The following SATB2 variants were observed in gnomAD, a reference collection of about 807,000 sequenced individuals.
The protein encoded by SATB2 is DNA-binding protein SATB2.
A neutral mutation model predicts 73.4 loss-of-function variants in SATB2; 1 was observed. That is an observed-to-expected ratio of 0.01 (90% confidence interval 0.00 to 0.06). The LOEUF is 0.06. Ranked by LOEUF, SATB2 falls within the 10% of genes least tolerant of loss-of-function variation. The pLI is 1.00. For missense variants in SATB2, 459 were observed against 945.8 expected, an observed-to-expected ratio of 0.49 and a Z score of 6.75; for synonymous variants, 397 against 367.0, an observed-to-expected ratio of 1.08 and a Z score of -0.93.
At chr2:199,368,824 C>T (rs543871496) in intron 5 of SATB2, 117 bp from the exon 6 acceptor site, 2 of 644,860 alleles carry the variant, frequency 3.1e-6, no homozygotes, top group African/African-American at 1.8e-5. Context: ...AAAACAGTCA[C>T]TCTCCTGTAA....
intron 3 of SATB2, among the ~76,000 whole-genome samples, chr2:199,401,378 T>C (rs903543298): frequency 6.6e-6 from 1 of 151,448 alleles, no homozygotes; most frequent in Non-Finnish European, 1.5e-5. Context: ...AAACCCAGTG[T>C]CTACTAAAAT....
chr2:199,380,783 G>A (rs1339800724), intron 4 of SATB2, among the ~76,000 whole-genome samples: 1 of 152,154 alleles, frequency 6.6e-6, no homozygotes, highest in East Asian at 1.9e-4. Context: ...AAATGGCATG[G>A]CAGTGTGGTT....
intron 7 of SATB2, 48 bp downstream of exon 7, chr2:199,348,653 T>C (rs778360965): frequency 7.3e-7 from 1 of 1,365,706 alleles, no homozygotes; most frequent in Non-Finnish European, 1.0e-6. Flanking sequence ...CTATCTCAAT[T>C]CTGTCCCCAG....
intron 3 of SATB2, among the ~76,000 whole-genome samples, chr2:199,382,799 A>G (rs1167256421): frequency 6.6e-6 from 1 of 152,218 alleles, no homozygotes; most frequent in Non-Finnish European, 1.5e-5. Flanking sequence ...AGAAATTGCC[A>G]CACATAAAAA....
Position 199,348,400 on chromosome 2 carries a change from C to G in SATB2, c.1173+301G>C, listed in dbSNP as rs10153573. The G allele has an allele frequency of 1, 294,241 of 294,550 alleles. 146,967 individuals are homozygous for G. Among genetic ancestry groups the G allele is most frequent in the Middle Eastern group, 1 (938 of 938 alleles). The allele number at this position is 294,550 out of a possible 1,614,324, so 18.2% of individuals were successfully genotyped here. On this transcript the variant is annotated intron_variant, in intron 7 of 10. Coordinates refer to ENST00000417098, the MANE Select transcript of SATB2 (RefSeq NM_001172509.2). Reference sequence around the variant, plus strand: ...AAATTCAAGATCAGGGTTACATCTGCAAACAGTAAATGGAGAGGATGAGAG... The same window carrying G: ...AAATTCAAGATCAGGGTTACATCTGGAAACAGTAAATGGAGAGGATGAGAG...
chr2:199,287,799 T>G (rs1692732530), intron 10 of SATB2, among the ~76,000 whole-genome samples: 1 of 152,168 alleles, frequency 6.6e-6, no homozygotes, highest in Non-Finnish European at 1.5e-5. Flanking sequence ...TTAAAAAGAA[T>G]GAAATAATCT....
At chr2:199,395,769 C>A (rs1690281754) in intron 3 of SATB2, 2 of 152,122 alleles carry the variant, frequency 1.3e-5, no homozygotes, top group African/African-American at 4.8e-5. Context: ...TATCAAATTA[C>A]TTGAAGACAC....
In SATB2 at chr2:199,435,864, C is replaced by T. The variant is rs547324152; in HGVS notation, c.170-2350G>A. ...AGAGTCCCTACCAGCAAGGAATAGC[C>T]CCCATTTAGAGCTTTTAACTCTTAC... On this transcript the variant is annotated intron_variant, in intron 2 of 10. Coordinates refer to ENST00000417098, the MANE Select transcript of SATB2 (RefSeq NM_001172509.2). Among the ~76,000 whole-genome samples, 22 of 152,252 alleles carry T rather than the reference C, an allele frequency of 1.4e-4. 1 individual carries two copies. The South Asian group carries it at 3.7e-3, about 26-fold the overall frequency.
intron 3 of SATB2, among the ~76,000 whole-genome samples, chr2:199,391,033 C>T (rs1460593344): frequency 1.3e-5 from 2 of 152,182 alleles, no homozygotes; most frequent in African/African-American, 4.8e-5. Context: ...TTCCAACTAA[C>T]CTGATTTCAC....
chr2:199,346,068 T>C (rs1333093450), intron 7 of SATB2, among the ~76,000 whole-genome samples: 2 of 152,078 alleles, frequency 1.3e-5, no homozygotes, highest in African/African-American at 4.8e-5. Context: ...AGGTAGAATA[T>C]ATATAATAAG....
At chr2:199,315,104 A>G (rs779681618) in intron 9 of SATB2, among the ~76,000 whole-genome samples, 2 of 152,048 alleles carry the variant, frequency 1.3e-5, no homozygotes, top group African/African-American at 4.8e-5. Flanking sequence ...GACATATATC[A>G]TAAAGAACCA....
chr2:199,337,070 G>A (rs971904700), intron 7 of SATB2, among the ~76,000 whole-genome samples: 11 of 152,064 alleles, frequency 7.2e-5, no homozygotes, highest in Non-Finnish European at 1.3e-4. Context: ...AAACATCACA[G>A]TACAATTTTT....
intron 10 of SATB2, among the ~76,000 whole-genome samples, chr2:199,274,524 T>A (rs1384030652): frequency 6.6e-6 from 1 of 152,170 alleles, no homozygotes; most frequent in Non-Finnish European, 1.5e-5. Context: ...GAAGTTTAAA[T>A]TTTTCAAGTA....
At chr2:199,285,685 C>T (rs1692662720) in intron 10 of SATB2, among the ~76,000 whole-genome samples, 1 of 148,524 alleles carries the variant, frequency 6.7e-6, no homozygotes, top group East Asian at 2.0e-4. Context: ...TTCTCTTTTA[C>T]AATTGCTCTT....
chr2:199,373,694 C>G (rs1200125417), intron 5 of SATB2, among the ~76,000 whole-genome samples: 1 of 152,186 alleles, frequency 6.6e-6, no homozygotes, highest in Non-Finnish European at 1.5e-5. Flanking sequence ...TGGCATCTTT[C>G]TCCCCACTGT....
At chr2:199,342,962 AG>A (rs1387610856) in intron 7 of SATB2, among the ~76,000 whole-genome samples, 4 of 152,186 alleles carry the variant, frequency 2.6e-5, no homozygotes, top group African/African-American at 9.7e-5. Context: ...GGTAATTAAT[AG>A]TTTCTCTTTG....
chr2:199,385,625 G>C (rs1689909320), intron 3 of SATB2, among the ~76,000 whole-genome samples: 1 of 152,168 alleles, frequency 6.6e-6, no homozygotes, highest in Non-Finnish European at 1.5e-5. Flanking sequence ...GTTATCTTAA[G>C]TAGCCTAGGT....
intron 9 of SATB2, among the ~76,000 whole-genome samples, chr2:199,318,765 C>T (rs965951703): frequency 6.6e-6 from 1 of 150,944 alleles, no homozygotes; most frequent in Admixed American, 6.6e-5. Context: ...AGAAGAGATG[C>T]AAAAACAAAA....
At position 199,462,944 on chromosome 2, in the gene SATB2, G is replaced by C. The variant is rs977413296; in HGVS notation, c.-141+1892C>G. ...TCGGCCCAGGAGCTGCCTCAGGCGA[G>C]GACGGGGAGCTTTCTGCACTGGGCT... On this transcript the variant is annotated intron_variant, in intron 1 of 11. Transcript: ENST00000260926. This position sits in a 1 kb window ranked among gnomAD's most constrained non-coding sequence, Gnocchi z 5.9. Among the ~76,000 whole-genome samples, 2 of 152,240 alleles carry C rather than the reference G, an allele frequency of 1.3e-5. No homozygotes were observed. Among genetic ancestry groups the C allele is most frequent in the African/African-American group, 4.8e-5 (2 of 41,476 alleles).
Sources: gnomAD v4.1 joint callset for allele counts (sites outside exome capture counted in the v4.1 genomes callset) on GRCh38, gnomAD v4.1.1 for gene constraint, Gnocchi (gnomAD v3.1) non-coding constraint, MANE v1.5 for transcripts, NCBI Gene and HGNC (gene_info 2026-07-23, HGNC 2026-07-21) for gene names.